Variants in HIPK2 observed in about 807,000 individuals in gnomAD.
HIPK2 encodes homeodomain-interacting protein kinase 2.
In HIPK2, 27 loss-of-function variants were observed where a neutral mutation model predicts 113.7. The observed-to-expected ratio is 0.24, with a 90% CI of 0.17 to 0.33. HIPK2 has a LOEUF of 0.33. HIPK2 is among the 10% of genes least tolerant of loss of function. The probability of loss-of-function intolerance (pLI) is 1.00; values close to 1 mark genes in which losing one functional copy is unlikely to be tolerated. For missense variants in HIPK2, 1,257 were observed against 1,588.0 expected (o/e 0.79, Z 3.54); for synonymous variants, 631 against 642.2 (o/e 0.98, Z 0.26).
chr7:139,583,395 C>T (rs1351376133), intron 13 of HIPK2: 1 of 170,876 alleles, frequency 5.9e-6, no homozygotes, highest in African/African-American at 2.4e-5. Context: ...TCACCCTTCC[C>T]TAGCAAGACT....
chr7:139,668,471 A>T (rs1488225532), intron 2 of HIPK2, among the ~76,000 whole-genome samples: 1 of 151,496 alleles, frequency 6.6e-6, no homozygotes, highest in Non-Finnish European at 1.5e-5. Context: ...CTGAGGCAGG[A>T]GAATGGCGTG....
intron 2 of HIPK2, among the ~76,000 whole-genome samples, chr7:139,664,240 A>G (rs985249631): frequency 2.0e-5 from 3 of 152,200 alleles, no homozygotes; most frequent in African/African-American, 4.8e-5. Flanking sequence ...CTCAACTACA[A>G]TAAGTAGCTT....
At position 139,572,770 on chromosome 7, in the gene HIPK2, CCCCCCCCCCCCG is replaced by C; in HGVS notation, c.*145_*156del. The C allele has an allele frequency of 1.1e-5, 1 of 87,006 alleles. No individual in the cohort carries two copies. The highest frequency in any genetic ancestry group is 2.8e-5 in the Non-Finnish European group (1 of 35,990). 5.4% of individuals were successfully genotyped at this position (87,006 alleles called of 1,614,324 possible). On this transcript the variant is annotated 3_prime_UTR_variant, in exon 15 of 15. Coordinates refer to ENST00000406875, the MANE Select transcript of HIPK2 (RefSeq NM_022740.5). ...ACCCGTCCCCCTGCCCTCTGCCCCC[CCCCCCCCCCCCG>C]CCCCTGCCCCGTTTGCATTGTTTGT...
intron 1 of HIPK2, among the ~76,000 whole-genome samples, chr7:139,771,878 T>C (rs980360117): frequency 5.3e-5 from 8 of 152,014 alleles, no homozygotes; most frequent in Admixed American, 2.6e-4. Flanking sequence ...GAGAAAGGAA[T>C]TGAGTAAAAG....
chr7:139,644,963 A>G (rs1801155978), intron 2 of HIPK2, among the ~76,000 whole-genome samples: 2 of 152,242 alleles, frequency 1.3e-5, no homozygotes, highest in Non-Finnish European at 2.9e-5. Context: ...AAGTAACATC[A>G]CTTATGTGCA....
intron 2 of HIPK2, among the ~76,000 whole-genome samples, chr7:139,682,131 T>C (rs1017772524): frequency 2.6e-5 from 4 of 152,194 alleles, no homozygotes; most frequent in African/African-American, 9.6e-5. Flanking sequence ...ATAGACCACG[T>C]TGCTTCCACT....
intron 2 of HIPK2, among the ~76,000 whole-genome samples, chr7:139,713,792 C>A (rs888217245): frequency 3.3e-5 from 5 of 152,220 alleles, no homozygotes; most frequent in Non-Finnish European, 7.3e-5. Context: ...AGTGGCACAG[C>A]AGCCTCCCAG....
intron 1 of HIPK2, among the ~76,000 whole-genome samples, chr7:139,749,383 G>GA (rs1170981019): frequency 2.6e-5 from 4 of 152,222 alleles, no homozygotes; most frequent in Non-Finnish European, 5.9e-5. Context: ...GCATGGAACA[G>GA]AAAAAACCAA....
intron 14 of HIPK2, among the ~76,000 whole-genome samples, chr7:139,574,790 G>A (rs953446098): frequency 8.5e-5 from 13 of 152,224 alleles, no homozygotes; most frequent in African/African-American, 2.7e-4. Context: ...AGGCCGACAG[G>A]GCCGGGACAC....
chr7:139,670,731 TTTTCTTTCTTTCTTTC>T (rs201765597), intron 2 of HIPK2, among the ~76,000 whole-genome samples: 1 of 105,910 alleles, frequency 9.4e-6, no homozygotes, highest in African/African-American at 3.7e-5. Flanking sequence ...TTTCTTTTTC[TTTTCTTTCTTTCTTTC>T]TTTCTTTCTT....
intron 1 of HIPK2, among the ~76,000 whole-genome samples, chr7:139,759,167 G>A (rs538258891): frequency 2.6e-5 from 4 of 152,202 alleles, no homozygotes; most frequent in African/African-American, 9.6e-5. Context: ...AACACAAAAT[G>A]ACATTTAAAT....
intron 2 of HIPK2, among the ~76,000 whole-genome samples, chr7:139,703,755 CACACACA>C (rs1373321943): frequency 3.1e-3 from 18 of 5,886 alleles, no homozygotes; most frequent in Non-Finnish European, 2.4e-3. Context: ...ACACCACACA[CACACACA>C]CCCACACACT....
At position 139,573,248 on chromosome 7, in the gene HIPK2, GGCAGCGGCT is replaced by G; in HGVS notation, c.3267_3275del (p.Ala1092_Ala1094del). On this transcript the variant is annotated inframe_deletion, in exon 15 of 15. Coordinates refer to ENST00000406875, the MANE Select transcript of HIPK2 (RefSeq NM_022740.5). ...GGGGCTGGGTGGGGAGGTGGGCAGC[GGCAGCGGCT>G]GCAGCCAGATGCGGGTGCACAGTGC... is the stretch of plus-strand genomic sequence containing the variant. The G allele has an allele frequency of 6.2e-7, 1 of 1,604,160 alleles. No individual in the cohort carries two copies. The highest frequency in any genetic ancestry group is 8.5e-7 in the Non-Finnish European group (1 of 1,179,602).
In HIPK2 at chr7:139,571,089, T is replaced by C. The variant is rs1194347715; in HGVS notation, c.*1838A>G. 2.0e-5 allele frequency: 3 copies of C among 152,262 alleles called. No individual in the cohort carries two copies. The highest frequency in any genetic ancestry group is 7.2e-5 in the African/African-American group (3 of 41,438). 9.4% of individuals were successfully genotyped at this position (152,262 alleles called of 1,614,324 possible). ...AGCGTCAGACCCCCGGCCACCCTCA[T>C]AAGTGTCCCTCCAACCTTCTGCCCA... On this transcript the variant is annotated 3_prime_UTR_variant, in exon 15 of 15. Coordinates refer to ENST00000406875, the MANE Select transcript of HIPK2 (RefSeq NM_022740.5).
intron 12 of HIPK2, among the ~76,000 whole-genome samples, chr7:139,588,758 T>C (rs1485508263): frequency 6.6e-6 from 1 of 152,004 alleles, no homozygotes; most frequent in African/African-American, 2.4e-5. Flanking sequence ...TCTTCTGGGA[T>C]GAATGCGGGG....
At chr7:139,668,954 CAAATAACCATG>C (rs528925976) in intron 2 of HIPK2, among the ~76,000 whole-genome samples, 158 of 152,300 alleles carry the variant, frequency 1.0e-3, no homozygotes, top group Admixed American at 1.6e-3. Context: ...TGAAAATAAT[CAAATAACCATG>C]AAAGAATTCA....
intron 6 of HIPK2, among the ~76,000 whole-genome samples, chr7:139,621,725 G>A (rs1488914752): frequency 6.6e-6 from 1 of 151,962 alleles, no homozygotes; most frequent in Non-Finnish European, 1.5e-5. Context: ...CTCAAGACCA[G>A]CTTGGACAAC....
In HIPK2 at chr7:139,716,444, G is replaced by A. The variant is rs777007534; in HGVS notation, c.591C>T (p.Asn197=). ...VQHEVLCSMT[N]TYEVLEFLGR... ...CCAAGAACTCTAAGACCTCGTAGGTGTTGGTCATGGAGCACAGCACCTCAT... is the reference window on the plus strand; with the variant it reads ...CCAAGAACTCTAAGACCTCGTAGGTATTGGTCATGGAGCACAGCACCTCAT... The change falls in exon 2 of 15, where the codon AAC becomes AAT. Residue 197 remains asparagine (N), a synonymous_variant. Transcript: ENST00000406875. The surrounding 1 kb of genome is among the most constrained non-coding windows in gnomAD (Gnocchi z 9.3). 1.2e-6 allele frequency: 2 copies of A among 1,614,008 alleles called. No individual in the cohort carries two copies. Among genetic ancestry groups the A allele is most frequent in the Admixed American group, 1.7e-5 (1 of 60,010 alleles).
chr7:139,659,474 C>T (rs935691574), intron 2 of HIPK2, among the ~76,000 whole-genome samples: 2 of 152,236 alleles, frequency 1.3e-5, no homozygotes, highest in Non-Finnish European at 2.9e-5. Flanking sequence ...AGACCCAGCA[C>T]AGACCCCCGG....
Sources: allele counts gnomAD v4.1 joint callset (sites outside exome capture counted in the v4.1 genomes callset), GRCh38; gene constraint gnomAD v4.1.1; non-coding constraint Gnocchi (gnomAD v3.1); transcripts MANE v1.5; gene names NCBI Gene and HGNC (gene_info 2026-07-23, HGNC 2026-07-21).